TGFBRAP1: variants seen among roughly 807,000 people sequenced by gnomAD.
TGFBRAP1 encodes transforming growth factor-beta receptor-associated protein 1.
TGFBRAP1 carries 20 observed loss-of-function variants against 83.2 expected under a neutral mutation model. The observed-to-expected ratio is 0.24, with a 90% CI of 0.17 to 0.35. The LOEUF is 0.35. Ranked by LOEUF, TGFBRAP1 falls within the 10% of genes least tolerant of loss-of-function variation. The pLI, the probability that TGFBRAP1 is intolerant of heterozygous loss-of-function variation, is 1.00. For missense variants in TGFBRAP1, 950 were observed against 1,099.4 expected, an observed-to-expected ratio of 0.86 and a Z score of 1.92; for synonymous variants, 415 against 459.8, an observed-to-expected ratio of 0.90 and a Z score of 1.25.
At position 105,298,620 on chromosome 2, in the gene TGFBRAP1, T is replaced by A; in HGVS notation, c.774A>T (p.Pro258=). Residue 258 remains proline, a synonymous_variant, in exon 3 of 12, where the codon CCA becomes CCT. Coordinates refer to ENST00000393359, the MANE Select transcript of TGFBRAP1 (RefSeq NM_004257.6). ...ATTCGTCATCGAGCGCTATGACGTA[T>A]GGAAAGGACACAGCCGCCCCAATCA... ...ENVIGAAVSF[P]YVIALDDEFI... 2 of 1,614,100 alleles carry A rather than the reference T, an allele frequency of 1.2e-6. No individual in the cohort carries two copies. The highest frequency in any genetic ancestry group is 1.7e-6 in the Non-Finnish European group (2 of 1,179,988).
chr2:105,309,995 C>A lies in TGFBRAP1; in HGVS notation c.-17-1677G>T, dbSNP rs190048469. On this transcript the variant is annotated intron_variant, in intron 1 of 11. Transcript: ENST00000393359. ...GGATGGGCCCTCACCAAACACTGAG[C>A]CTACCATGCCTTAATCTTGGACTTC... Among the ~76,000 whole-genome samples, 288 of 152,184 alleles carry A rather than the reference C, an allele frequency of 1.9e-3. 2 individuals carry two copies. The highest frequency in any genetic ancestry group is 3.1e-3 in the Non-Finnish European group (214 of 68,006).
chr2:105,324,568 CT>C (rs2104423739), intron 1 of TGFBRAP1, among the ~76,000 whole-genome samples: 1 of 152,302 alleles, frequency 6.6e-6, no homozygotes, highest in African/African-American at 2.4e-5. Flanking sequence ...AGTGTCCTCG[CT>C]TAAAATTACA....
At chr2:105,320,208 T>C (rs1238347221) in intron 1 of TGFBRAP1, among the ~76,000 whole-genome samples, 1 of 152,148 alleles carries the variant, frequency 6.6e-6, no homozygotes, top group East Asian at 1.9e-4. Flanking sequence ...TGAAACAGAC[T>C]CTTCAGAAAC....
intron 1 of TGFBRAP1, among the ~76,000 whole-genome samples, chr2:105,323,669 A>C (rs182937762): frequency 3.9e-5 from 6 of 152,282 alleles, no homozygotes; most frequent in Admixed American, 1.3e-4. Flanking sequence ...CTTCAGATGC[A>C]GTGTTTGTGC....
At chr2:105,309,840 G>A (rs1430601392) in intron 1 of TGFBRAP1, among the ~76,000 whole-genome samples, 2 of 152,154 alleles carry the variant, frequency 1.3e-5, no homozygotes, top group African/African-American at 4.8e-5. Flanking sequence ...GGGAGGTGGG[G>A]AGGTGATTAG....
Position 105,266,032 on chromosome 2 carries a change from G to A in TGFBRAP1, c.*1351C>T, listed in dbSNP as rs1372783667. 6.6e-6 allele frequency: 1 copy of A among 152,236 alleles called. No homozygotes were observed. The highest frequency in any genetic ancestry group is 6.5e-5 in the Admixed American group (1 of 15,286). The allele number at this position is 152,236 out of a possible 1,614,324, so 9.4% of individuals were successfully genotyped here. Reference sequence around the variant, plus strand: ...TAGTAGTGGGTAGACTGCCTTTATTGTTAGCCCCTAATAGAATCAGTCAGC... The same window carrying A: ...TAGTAGTGGGTAGACTGCCTTTATTATTAGCCCCTAATAGAATCAGTCAGC... On this transcript the variant is annotated 3_prime_UTR_variant, in exon 12 of 12. Coordinates refer to ENST00000393359, the MANE Select transcript of TGFBRAP1 (RefSeq NM_004257.6).
chr2:105,250,573 TCCC>T, the TGFBRAP1 span, among the ~76,000 whole-genome samples: 1 of 90,536 alleles, frequency 1.1e-5, no homozygotes, highest in East Asian at 5.9e-4. Context: ...GCTCCTCCTC[TCCC>T]TCTCCCTCCT....
In TGFBRAP1 at chr2:105,266,080, G is replaced by A. The variant is rs1336679491; in HGVS notation, c.*1303C>T. 1.3e-5 allele frequency: 2 copies of A among 152,222 alleles called. No homozygotes were observed. The highest frequency in any genetic ancestry group is 1.3e-4 in the Admixed American group (2 of 15,278). 9.4% of individuals were successfully genotyped at this position (152,222 alleles called of 1,614,324 possible). ...AGCACAATGAAGAAATTCCAAAGAG[G>A]GCAGTGAAGTGACAACAGCTTCAGC... On this transcript the variant is annotated 3_prime_UTR_variant, in exon 12 of 12. Coordinates refer to ENST00000393359, the MANE Select transcript of TGFBRAP1 (RefSeq NM_004257.6).
At chr2:105,252,136 TA>T in the TGFBRAP1 span, among the ~76,000 whole-genome samples, 40 of 151,364 alleles carry the variant, frequency 2.6e-4, no homozygotes, top group African/African-American at 9.2e-4. Flanking sequence ...GAATGATCAA[TA>T]AAAAAAATAA....
chr2:105,277,242 T>C (rs980611512), intron 7 of TGFBRAP1, among the ~76,000 whole-genome samples: 3 of 152,184 alleles, frequency 2.0e-5, no homozygotes, highest in African/African-American at 4.8e-5. Context: ...ACCCAGCTCA[T>C]TGGCAACAGT....
chr2:105,284,131 G>A (rs1442730534), intron 5 of TGFBRAP1, among the ~76,000 whole-genome samples, 185 bp downstream of exon 5: 1 of 152,052 alleles, frequency 6.6e-6, no homozygotes, highest in African/African-American at 2.4e-5. Flanking sequence ...TAAGGCTCCG[G>A]GTGAGGGGTG....
At position 105,278,437 on chromosome 2, in the gene TGFBRAP1, C is replaced by T. The variant is rs1170036689; in HGVS notation, c.1464-766G>A. ...GAGGAACAGCAGGAAGTGCTAGTGT[C>T]CGGGACTCGCAGACCACAGAGTCAG... On this transcript the variant is annotated intron_variant, in intron 6 of 11. Coordinates refer to ENST00000393359, the MANE Select transcript of TGFBRAP1 (RefSeq NM_004257.6). Among the ~76,000 whole-genome samples, 3 of 152,136 alleles carry T rather than the reference C, an allele frequency of 2.0e-5. No individual in the cohort carries two copies. The East Asian group carries it at 5.8e-4, about 29-fold the overall frequency.
intron 2 of TGFBRAP1, among the ~76,000 whole-genome samples, chr2:105,299,781 C>T (rs11892427): frequency 0.014 from 2,058 of 152,004 alleles, 54 homozygotes; most frequent in African/African-American, 0.048. Flanking sequence ...AAGGCATCCA[C>T]GCAAAAAGCA....
At chr2:105,283,237 C>T (rs1677604048) in intron 5 of TGFBRAP1, among the ~76,000 whole-genome samples, 1 of 152,200 alleles carries the variant, frequency 6.6e-6, no homozygotes, top group African/African-American at 2.4e-5. Context: ...TATGGGGCAT[C>T]ATTATTCAAG....
At chr2:105,299,098 T>C (rs1033251582) in intron 2 of TGFBRAP1, among the ~76,000 whole-genome samples, 12 of 151,992 alleles carry the variant, frequency 7.9e-5, no homozygotes, top group Non-Finnish European at 5.9e-5. Flanking sequence ...CTGGGCAACA[T>C]GGCAAAACCT....
At chr2:105,318,176 T>C in intron 1 of TGFBRAP1, among the ~76,000 whole-genome samples, 1 of 152,192 alleles carries the variant, frequency 6.6e-6, no homozygotes, top group Non-Finnish European at 1.5e-5. Flanking sequence ...CAATCCTGTT[T>C]GAGACACAGG....
chr2:105,302,009 T>TAAAAAAAAAAAAAAAAAAAAAAAAAAA, intron 2 of TGFBRAP1, among the ~76,000 whole-genome samples: 1 of 75,110 alleles, frequency 1.3e-5, no homozygotes, highest in Non-Finnish European at 2.6e-5. Context: ...TAAAGAATAC[T>TAAAAAAAAAAAAAAAAAAAAAAAAAAA]AAAAAAAAAA....
chr2:105,267,632 G>A, intron 11 of TGFBRAP1, 73 bp from the exon 12 acceptor site: 1 of 1,586,860 alleles, frequency 6.3e-7, no homozygotes, highest in Non-Finnish European at 8.6e-7. Flanking sequence ...TTCTAGTTTT[G>A]CAGAGTTGAC....
At chr2:105,303,460 AG>A (rs36003191) in intron 2 of TGFBRAP1, among the ~76,000 whole-genome samples, 1 of 152,208 alleles carries the variant, frequency 6.6e-6, no homozygotes, top group Non-Finnish European at 1.5e-5. Flanking sequence ...CTGAAACTCA[AG>A]GAAGCAATCA....
Sources: allele counts gnomAD v4.1 joint callset (sites outside exome capture counted in the v4.1 genomes callset), GRCh38; gene constraint gnomAD v4.1.1; transcripts MANE v1.5; gene names NCBI Gene and HGNC (gene_info 2026-07-23, HGNC 2026-07-21).